The following PIGK variants were observed in gnomAD, a reference collection of about 807,000 sequenced individuals.
PIGK encodes the protein GPI-anchor transamidase.
A neutral mutation model predicts 50.6 loss-of-function variants in PIGK; 42 were observed. The observed-to-expected ratio is 0.83, with a 90% CI of 0.65 to 1.07. PIGK has a LOEUF of 1.07. PIGK is among the 50% of genes least tolerant of loss of function. The pLI, the probability that PIGK is intolerant of heterozygous loss-of-function variation, is 0.00. For missense variants in PIGK, 448 were observed against 488.7 expected (o/e 0.92, Z 0.78); for synonymous variants, 151 against 156.0 (o/e 0.97, Z 0.24).
chr1:77,217,366 A>C (rs1235530517), intron 1 of PIGK, among the ~76,000 whole-genome samples: 2 of 152,226 alleles, frequency 1.3e-5, no homozygotes, highest in African/African-American at 4.8e-5. Flanking sequence ...TTCCAGACAG[A>C]GGGGAGACAG....
At chr1:77,100,393 G>C (rs1279615712) in intron 10 of PIGK, among the ~76,000 whole-genome samples, 2 of 152,124 alleles carry the variant, frequency 1.3e-5, no homozygotes, top group Non-Finnish European at 2.9e-5. Flanking sequence ...AATGCAATTT[G>C]TATTTCTCTA....
Position 77,154,611 on chromosome 1 carries a change from C to G in PIGK, c.824G>C (p.Cys275Ser). The G allele has an allele frequency of 6.2e-7, 1 of 1,608,116 alleles. No homozygotes were observed. The highest frequency in any genetic ancestry group is 8.5e-7 in the Non-Finnish European group (1 of 1,175,906). Residue 275 changes from cysteine (C) to serine (S), a missense_variant, in exon 9 of 11, where the codon TGT becomes TCT. Coordinates refer to ENST00000370812, the MANE Select transcript of PIGK (RefSeq NM_005482.3). ...QTNMNDLFQV[C>S]PKSLCVSTPG... ...AGTAGACACACACAGACTTTTGGGA[C>G]ATACCTGAAACTGAAAAAATATATA...
At chr1:77,120,070 T>C (rs1570197039) in intron 10 of PIGK, among the ~76,000 whole-genome samples, 1 of 152,150 alleles carries the variant, frequency 6.6e-6, no homozygotes. Flanking sequence ...AGGTAAAGTA[T>C]AAGATTATTT....
At chr1:77,179,264 T>C (rs1275725565) in intron 3 of PIGK, among the ~76,000 whole-genome samples, 1 of 152,156 alleles carries the variant, frequency 6.6e-6, no homozygotes, top group Non-Finnish European at 1.5e-5. Flanking sequence ...GACAGTGACA[T>C]TAATGATTAA....
At chr1:77,195,894 T>A (rs1327034811) in intron 3 of PIGK, among the ~76,000 whole-genome samples, 1 of 152,190 alleles carries the variant, frequency 6.6e-6, no homozygotes, top group Non-Finnish European at 1.5e-5. Flanking sequence ...GTATATTGTG[T>A]AATGCTGAGG....
chr1:77,169,878 T>A (rs1655322504), intron 3 of PIGK, among the ~76,000 whole-genome samples: 1 of 152,190 alleles, frequency 6.6e-6, no homozygotes, highest in Admixed American at 6.5e-5. Context: ...ACTTTCAGAA[T>A]CCCAAATGCT....
rs768388575 is a variant in PIGK at position 77,122,306 on chromosome 1, T to G, written c.1040A>C (p.Glu347Ala). The G allele has an allele frequency of 2.5e-6, 4 of 1,605,676 alleles. No homozygotes were observed. The Admixed American group carries it at 6.7e-5, about 27-fold the overall frequency. ...TATTATCTGAGCTACAGGAAGTTGT[T>G]CAGCATATTTCAGAGGTTCCATTAG... ...EKLMEPLKYA[E>A]QLPVAQIIHQ... Residue 347 changes from glutamate (E) to alanine (A), a missense_variant, in exon 10 of 11, where the codon GAA (glutamate) becomes GCA (alanine). By Grantham distance (107) the Glu-to-Ala change is moderately radical. Transcript: ENST00000370812.
intron 6 of PIGK, among the ~76,000 whole-genome samples, chr1:77,162,479 T>C (rs1655150490): frequency 6.6e-6 from 1 of 152,102 alleles, no homozygotes; most frequent in African/African-American, 2.4e-5. Flanking sequence ...TTCAAAAAGG[T>C]AGAATAGGTT....
At chr1:77,172,764 A>C (rs1467164475) in intron 3 of PIGK, among the ~76,000 whole-genome samples, 1 of 152,064 alleles carries the variant, frequency 6.6e-6, no homozygotes, top group Non-Finnish European at 1.5e-5. Flanking sequence ...TCTACAAAAA[A>C]TACAAAAAAA....
chr1:77,124,039 A>G (rs72681896), intron 9 of PIGK, among the ~76,000 whole-genome samples: 24,017 of 151,776 alleles, frequency 0.16, 2,241 homozygotes, highest in South Asian at 0.29. Flanking sequence ...GAAAATGGCC[A>G]TCTACACGTC....
chr1:77,106,309 GA>G (rs1383207648), intron 10 of PIGK, among the ~76,000 whole-genome samples: 1 of 152,086 alleles, frequency 6.6e-6, no homozygotes, highest in Non-Finnish European at 1.5e-5. Flanking sequence ...TCCTCCTTCT[GA>G]GATACATAGG....
chr1:77,198,644 A>C (rs1156316097), intron 3 of PIGK, among the ~76,000 whole-genome samples: 1 of 152,056 alleles, frequency 6.6e-6, no homozygotes, highest in Admixed American at 6.5e-5. Flanking sequence ...TACCATTTAC[A>C]ATAATAACAA....
chr1:77,154,481 T>C lies in PIGK; in HGVS notation c.954A>G (p.Lys318=), dbSNP rs1654963968. 6.2e-7 allele frequency: 1 copy of C among 1,611,562 alleles called. No individual in the cohort carries two copies. The highest frequency in any genetic ancestry group is 8.5e-7 in the Non-Finnish European group (1 of 1,178,414). The change falls in exon 9 of 11, where the codon AAA becomes AAG. Residue 318 remains lysine, a synonymous_variant. Coordinates refer to ENST00000370812, the MANE Select transcript of PIGK (RefSeq NM_005482.3). ...RKVEITTETI[K]LQQDSEIMES... Reference sequence around the variant, plus strand: ...CCATGATTTCTGAATCCTGTTGCAATTTAATAGTCTCTGTTGTAATTTCCA... The same window carrying C: ...CCATGATTTCTGAATCCTGTTGCAACTTAATAGTCTCTGTTGTAATTTCCA...
chr1:77,168,403 T>C (rs1233585180), intron 4 of PIGK, among the ~76,000 whole-genome samples: 4 of 152,194 alleles, frequency 2.6e-5, no homozygotes. Flanking sequence ...AAAATGCTAA[T>C]TGTTTTAACA....
chr1:77,109,768 A>G (rs575692027), intron 10 of PIGK, among the ~76,000 whole-genome samples: 370 of 152,298 alleles, frequency 2.4e-3, no homozygotes, highest in African/African-American at 7.9e-3. Context: ...CAGGGCAATT[A>G]GGGAGGAGAA....
At chr1:77,112,904 C>G (rs768541747) in intron 10 of PIGK, among the ~76,000 whole-genome samples, 4 of 151,958 alleles carry the variant, frequency 2.6e-5, no homozygotes, top group Non-Finnish European at 5.9e-5. Context: ...TACATATGCC[C>G]CTAATACTAT....
intron 10 of PIGK, among the ~76,000 whole-genome samples, chr1:77,102,340 T>A (rs1177444093): frequency 6.6e-6 from 1 of 152,218 alleles, no homozygotes; most frequent in Non-Finnish European, 1.5e-5. Flanking sequence ...TTGAAGATTA[T>A]GGATGAAATT....
chr1:77,124,078 C>T (rs761179669), intron 9 of PIGK, among the ~76,000 whole-genome samples: 2 of 151,880 alleles, frequency 1.3e-5, no homozygotes, highest in South Asian at 4.2e-4. Flanking sequence ...AGAAATCAAT[C>T]CTGCTGACAT....
intron 10 of PIGK, among the ~76,000 whole-genome samples, chr1:77,117,257 A>C (rs79871215): frequency 6.6e-6 from 1 of 152,350 alleles, no homozygotes; most frequent in African/African-American, 2.4e-5. Context: ...CATTTAATGA[A>C]TCATATCTCA....
Sources: allele counts gnomAD v4.1 joint callset (sites outside exome capture counted in the v4.1 genomes callset), GRCh38; gene constraint gnomAD v4.1.1; transcripts MANE v1.5; gene names NCBI Gene and HGNC (gene_info 2026-07-23, HGNC 2026-07-21).